NEXMIF: variants seen among roughly 807,000 people sequenced by gnomAD.
NEXMIF encodes the protein XLMR protein related to neurite extension.
NEXMIF carries 8 observed loss-of-function variants against 62.1 expected under a neutral mutation model. The ratio of observed to expected loss-of-function variants is 0.13; its 90% CI spans 0.08 to 0.23. NEXMIF has a LOEUF of 0.23. NEXMIF is among the 10% of genes least tolerant of loss of function. The probability of loss-of-function intolerance (pLI) is 1.00; values close to 1 mark genes in which losing one functional copy is unlikely to be tolerated. For synonymous variants in NEXMIF, 404 were observed against 416.6 expected (o/e 0.97, Z 0.37); for missense variants, 976 against 1,113.3 (o/e 0.88, Z 1.75).
intron 1 of NEXMIF, among the ~76,000 whole-genome samples, chrX:74,865,562 A>G (rs1309346885): frequency 2.7e-5 from 3 of 112,429 alleles, no homozygotes; most frequent in African/African-American, 9.7e-5. Flanking sequence ...CTGAATGTTA[A>G]TCACCAAGAC....
At chrX:74,915,329 A>G (rs2080803016) in intron 1 of NEXMIF, among the ~76,000 whole-genome samples, 1 of 112,085 alleles carries the variant, frequency 8.9e-6, no homozygotes, top group African/African-American at 3.2e-5. Context: ...GTGATACAGA[A>G]CTACACAGAA....
intron 1 of NEXMIF, among the ~76,000 whole-genome samples, chrX:74,894,761 GA>G (rs2080727799): frequency 1.8e-5 from 2 of 112,362 alleles, no homozygotes; most frequent in South Asian, 7.4e-4. Context: ...AATCTATGCT[GA>G]AAAAGCATTT....
chrX:74,827,343 C>T (rs780160114), intron 1 of NEXMIF, among the ~76,000 whole-genome samples: 6 of 111,940 alleles, frequency 5.4e-5, no homozygotes, highest in African/African-American at 1.9e-4. Flanking sequence ...TGATTTCCAC[C>T]TCACTACCAC....
chrX:74,784,110 T>C (rs1003993668), intron 1 of NEXMIF, among the ~76,000 whole-genome samples: 3 of 111,697 alleles, frequency 2.7e-5, no homozygotes, highest in Non-Finnish European at 5.6e-5. Flanking sequence ...TCACATAAAT[T>C]CACTTCAATT....
At chrX:74,842,642 C>G (rs187637478) in intron 1 of NEXMIF, among the ~76,000 whole-genome samples, 2 of 111,970 alleles carry the variant, frequency 1.8e-5, no homozygotes, top group Non-Finnish European at 3.8e-5. Flanking sequence ...ATTGCCCTAG[C>G]TGTGTCCCAG....
In NEXMIF at chrX:74,793,879, A is replaced by T. The variant is rs1372241808; in HGVS notation, c.-47-48182T>A. Among the ~76,000 whole-genome samples, 174 of 76,007 alleles carry T rather than the reference A, an allele frequency of 2.3e-3. 2 individuals are homozygous for T. The highest frequency in any genetic ancestry group is 3.5e-3 in the Non-Finnish European group (134 of 38,693). 66.0% of individuals were successfully genotyped at this position (76,007 alleles called of 115,157 possible). A position where few individuals can be genotyped will look rare whatever the true frequency, so the allele number is the denominator to read the frequency against. Reference sequence around the variant, plus strand: ...GGTTATTCTAGTTATACATTCTTCTAAATTTTTTTCAAAGTTTTCAACTTC... The same window carrying T: ...GGTTATTCTAGTTATACATTCTTCTTAATTTTTTTCAAAGTTTTCAACTTC... On this transcript the variant is annotated intron_variant, in intron 1 of 3. Transcript: ENST00000055682.
chrX:74,752,295 G>T (rs2147445811), intron 1 of NEXMIF, among the ~76,000 whole-genome samples: 1 of 110,960 alleles, frequency 9.0e-6, no homozygotes, highest in East Asian at 2.9e-4. Context: ...TCCTGTCAGG[G>T]GTAGCAAGTA....
chrX:74,887,665 G>A (rs1461085512), intron 1 of NEXMIF, among the ~76,000 whole-genome samples: 1 of 110,943 alleles, frequency 9.0e-6, no homozygotes, highest in Non-Finnish European at 1.9e-5. Context: ...TGGAGAGGAT[G>A]TGGAGAAATA....
At chrX:74,924,475 C>G (rs1230320756) in intron 1 of NEXMIF, among the ~76,000 whole-genome samples, 2 of 113,218 alleles carry the variant, frequency 1.8e-5, no homozygotes, top group Admixed American at 9.2e-5. Context: ...TGGGTTTTCC[C>G]GCTCTCGCCG....
At chrX:74,863,329 C>A (rs2080564966) in intron 1 of NEXMIF, among the ~76,000 whole-genome samples, 1 of 110,987 alleles carries the variant, frequency 9.0e-6, no homozygotes, top group Non-Finnish European at 1.9e-5. Context: ...TTCAAACAAT[C>A]AATGAATCCA....
intron 1 of NEXMIF, among the ~76,000 whole-genome samples, chrX:74,807,151 A>C (rs1369735434): frequency 8.9e-6 from 1 of 112,356 alleles, no homozygotes; most frequent in African/African-American, 3.2e-5. Flanking sequence ...CATCTTGACA[A>C]CATCGAGTCT....
At chrX:74,883,903 T>C (rs916590162) in intron 1 of NEXMIF, among the ~76,000 whole-genome samples, 3 of 111,974 alleles carry the variant, frequency 2.7e-5, no homozygotes, top group Admixed American at 1.9e-4. Flanking sequence ...AGAGAAAGGT[T>C]GGGTTACCCA....
intron 1 of NEXMIF, among the ~76,000 whole-genome samples, chrX:74,824,207 G>A (rs966033868): frequency 2.7e-5 from 3 of 111,431 alleles, no homozygotes; most frequent in African/African-American, 9.8e-5. Context: ...ACCATGATGT[G>A]CAATAGATCT....
At chrX:74,901,524 A>G (rs776051557) in intron 1 of NEXMIF, among the ~76,000 whole-genome samples, 49 of 112,244 alleles carry the variant, frequency 4.4e-4, no homozygotes, top group Non-Finnish European at 8.1e-4. Flanking sequence ...ACTTGGTTCC[A>G]TTATACATCT....
chrX:74,798,804 G>C (rs1173553691), intron 1 of NEXMIF, among the ~76,000 whole-genome samples: 1 of 110,084 alleles, frequency 9.1e-6, no homozygotes, highest in Non-Finnish European at 1.9e-5. Flanking sequence ...ACAGTCACAG[G>C]GTAAAGAGAA....
At chrX:74,865,989 C>A in intron 1 of NEXMIF, among the ~76,000 whole-genome samples, 1 of 111,583 alleles carries the variant, frequency 9.0e-6, no homozygotes, top group Admixed American at 9.5e-5. Context: ...AGTCCCCACA[C>A]AGAATCTCCA....
intron 1 of NEXMIF, among the ~76,000 whole-genome samples, chrX:74,887,172 G>C (rs1421480476): frequency 4.5e-5 from 5 of 111,659 alleles, no homozygotes; most frequent in South Asian, 3.7e-4. Flanking sequence ...AAGACTTACA[G>C]GTTAGACCTA....
chrX:74,805,362 T>C lies in NEXMIF; in HGVS notation c.-47-59665A>G, dbSNP rs1028977514. Among the ~76,000 whole-genome samples the C allele has an allele frequency of 3.6e-5, 4 of 111,894 alleles. No homozygotes were observed. The Admixed American group carries it at 3.8e-4, about 11-fold the overall frequency. On this transcript the variant is annotated intron_variant, in intron 1 of 3. Coordinates refer to ENST00000055682, the MANE Select transcript of NEXMIF (RefSeq NM_001008537.3). Reference sequence around the variant, plus strand: ...CCCTTGCCCACTTTTTAATGGGTTATTTGCTTTTTGCGTGTTGATTTAAGT... The same window carrying C: ...CCCTTGCCCACTTTTTAATGGGTTACTTGCTTTTTGCGTGTTGATTTAAGT...
intron 1 of NEXMIF, among the ~76,000 whole-genome samples, chrX:74,747,642 C>T (rs1454666851): frequency 1.0e-5 from 1 of 99,373 alleles, no homozygotes; most frequent in African/African-American, 3.7e-5. Context: ...ATTATCCAAA[C>T]TTTTTTTTTT....
Sources: allele counts gnomAD v4.1 joint callset (sites outside exome capture counted in the v4.1 genomes callset), GRCh38; gene constraint gnomAD v4.1.1; transcripts MANE v1.5; gene names NCBI Gene and HGNC (gene_info 2026-07-23, HGNC 2026-07-21).